Variants in ZNF148 observed in about 807,000 individuals in gnomAD.
The protein encoded by ZNF148 is Beta-Enolase Repressor Factor-1.
ZNF148 carries 7 observed loss-of-function variants against 67.7 expected under a neutral mutation model. That is an observed-to-expected ratio of 0.10 (90% CI 0.06 to 0.19). ZNF148 has a LOEUF of 0.19. Among genes scored for constraint, ZNF148 ranks in the 10% least tolerant of loss-of-function variants. ZNF148 has a pLI of 1.00. For missense variants in ZNF148, 583 were observed against 947.1 expected (o/e 0.62, Z 5.05); for synonymous variants, 333 against 330.7 (o/e 1.01, Z -0.08).
At chr3:125,345,417 T>C (rs893914605) in intron 1 of ZNF148, among the ~76,000 whole-genome samples, 1 of 151,938 alleles carries the variant, frequency 6.6e-6, no homozygotes, top group African/African-American at 2.4e-5. Context: ...ATGCTTACAT[T>C]AGAAATGAGG....
chr3:125,254,640 TTCTG>T (rs1936990919), intron 7 of ZNF148, among the ~76,000 whole-genome samples: 2 of 152,358 alleles, frequency 1.3e-5, no homozygotes, highest in Non-Finnish European at 2.9e-5. Context: ...CCTTATTCTC[TTCTG>T]TCTGACATTA....
chr3:125,317,969 C>T lies in ZNF148; in HGVS notation c.-16-4313G>A, dbSNP rs541178946. 1.9e-4 allele frequency among the ~76,000 whole-genome samples: 29 copies of T among 151,828 alleles called. No individual in the cohort carries two copies. In the South Asian group the frequency reaches 5.0e-3, roughly 26 times the overall value. ...GTTTCAAAGACAAAGTGAGTCATAC[C>T]TCTATCATATACCTCAACCTGTCTC... On this transcript the variant is annotated intron_variant, in intron 3 of 8. Coordinates refer to ENST00000360647, the MANE Select transcript of ZNF148 (RefSeq NM_021964.3).
At chr3:125,285,087 T>C (rs1165323947) in intron 5 of ZNF148, among the ~76,000 whole-genome samples, 2 of 152,202 alleles carry the variant, frequency 1.3e-5, no homozygotes, top group Admixed American at 1.3e-4. Flanking sequence ...TCACATTAGT[T>C]ATACTTCTTG....
intron 7 of ZNF148, among the ~76,000 whole-genome samples, chr3:125,241,939 C>G (rs1019111695): frequency 6.6e-6 from 1 of 152,178 alleles, no homozygotes; most frequent in Admixed American, 6.5e-5. Context: ...GACTACATAT[C>G]TAATAGGTGA....
intron 4 of ZNF148, among the ~76,000 whole-genome samples, chr3:125,308,685 A>G (rs2107664775): frequency 6.6e-6 from 1 of 152,322 alleles, no homozygotes; most frequent in South Asian, 2.1e-4. Context: ...CAGCAATCAA[A>G]ACAGTGTGAC....
intron 3 of ZNF148, among the ~76,000 whole-genome samples, chr3:125,316,747 T>G (rs1165921416): frequency 6.6e-6 from 1 of 152,228 alleles, no homozygotes; most frequent in East Asian, 1.9e-4. Context: ...TTCTGGTTAT[T>G]AATCCCTTGT....
chr3:125,337,619 C>A (rs1244467581), intron 1 of ZNF148, among the ~76,000 whole-genome samples: 1 of 152,098 alleles, frequency 6.6e-6, no homozygotes, highest in Non-Finnish European at 1.5e-5. Flanking sequence ...GATGAAACCA[C>A]CATATTCTGA....
At chr3:125,264,703 T>G (rs1325942568) in intron 7 of ZNF148, among the ~76,000 whole-genome samples, 1 of 152,236 alleles carries the variant, frequency 6.6e-6, no homozygotes, top group Non-Finnish European at 1.5e-5. Flanking sequence ...TAATTATTTT[T>G]CCTCTGAAAT....
chr3:125,255,296 G>C (rs1248680030), intron 7 of ZNF148, among the ~76,000 whole-genome samples: 1 of 140,494 alleles, frequency 7.1e-6, no homozygotes, highest in Non-Finnish European at 1.5e-5. Flanking sequence ...GCCCAGGCTG[G>C]AGTGCAGTGG....
chr3:125,275,057 T>C (rs957532095), intron 7 of ZNF148, among the ~76,000 whole-genome samples: 1 of 152,174 alleles, frequency 6.6e-6, no homozygotes, highest in Non-Finnish European at 1.5e-5. Flanking sequence ...GTTCTAGATA[T>C]ATATTCCCAA....
At chr3:125,332,291 C>G (rs1941322655) in intron 1 of ZNF148, among the ~76,000 whole-genome samples, 1 of 152,080 alleles carries the variant, frequency 6.6e-6, no homozygotes, top group African/African-American at 2.4e-5. Context: ...AATTGCTTGC[C>G]TCAATGTTTT....
intron 2 of ZNF148, among the ~76,000 whole-genome samples, chr3:125,325,662 A>G (rs1381282666): frequency 6.6e-6 from 1 of 152,046 alleles, no homozygotes; most frequent in Non-Finnish European, 1.5e-5. Flanking sequence ...ACAGGGTTTC[A>G]CCATGTTAGC....
chr3:125,302,970 T>C (rs1004393916), intron 4 of ZNF148, among the ~76,000 whole-genome samples: 30 of 152,150 alleles, frequency 2.0e-4, no homozygotes, highest in Admixed American at 2.0e-3. Flanking sequence ...AAAATGTCCC[T>C]CAATAAGTGA....
At chr3:125,254,865 C>A (rs151161990) in intron 7 of ZNF148, among the ~76,000 whole-genome samples, 1 of 152,102 alleles carries the variant, frequency 6.6e-6, no homozygotes, top group African/African-American at 2.4e-5. Flanking sequence ...TGGATTAAAT[C>A]TTTATTTGTT....
chr3:125,307,872 G>A (rs1939973548), intron 4 of ZNF148, among the ~76,000 whole-genome samples: 1 of 143,752 alleles, frequency 7.0e-6, no homozygotes, highest in South Asian at 2.2e-4. Flanking sequence ...GGCTGGTCTT[G>A]AAGTTCTTAA....
intron 3 of ZNF148, among the ~76,000 whole-genome samples, chr3:125,320,062 C>G (rs1459650300): frequency 2.0e-5 from 3 of 152,158 alleles, no homozygotes; most frequent in African/African-American, 7.2e-5. Context: ...TCAACACTTT[C>G]CACGTTTTCT....
intron 4 of ZNF148, among the ~76,000 whole-genome samples, chr3:125,306,035 T>C (rs935741397): frequency 4.0e-4 from 61 of 152,074 alleles, no homozygotes; most frequent in African/African-American, 1.4e-3. Flanking sequence ...TGAAAAGATA[T>C]CTGGAAAACT....
chr3:125,296,035 CAA>C (rs34880801), intron 4 of ZNF148, among the ~76,000 whole-genome samples: 14 of 150,216 alleles, frequency 9.3e-5, no homozygotes, highest in South Asian at 4.2e-4. Context: ...CTCAATATGC[CAA>C]AAAAAAAAAT....
rs1935644922 is a variant in ZNF148 at position 125,226,542 on chromosome 3, T to C, written c.*5799A>G. 6.6e-6 allele frequency: 1 copy of C among 152,562 alleles called. No homozygotes were observed. The highest frequency in any genetic ancestry group is 1.5e-5 in the Non-Finnish European group (1 of 68,030). The allele number at this position is 152,562 out of a possible 1,614,324, so 9.5% of individuals were successfully genotyped here. On this transcript the variant is annotated 3_prime_UTR_variant, in exon 9 of 9. Coordinates refer to ENST00000360647, the MANE Select transcript of ZNF148 (RefSeq NM_021964.3). ...AATGGCAAAGATAACTATATGACAA[T>C]AGTGTTGAAAGCCGTGAAACTCATT...
Sources: allele counts gnomAD v4.1 joint callset (sites outside exome capture counted in the v4.1 genomes callset), GRCh38; gene constraint gnomAD v4.1.1; transcripts MANE v1.5; gene names NCBI Gene and HGNC (gene_info 2026-07-23, HGNC 2026-07-21).